Variants in NUMB observed in about 807,000 individuals in gnomAD.
The protein encoded by NUMB is protein numb homolog.
A neutral mutation model predicts 59.7 loss-of-function variants in NUMB; 29 were observed. The observed-to-expected ratio is 0.49, with a 90% CI of 0.36 to 0.66. NUMB has a LOEUF of 0.66. NUMB is among the 30% of genes least tolerant of loss of function. The pLI, the probability that NUMB is intolerant of heterozygous loss-of-function variation, is 0.00. For missense variants in NUMB, 723 were observed against 822.0 expected (o/e 0.88, Z 1.47); for synonymous variants, 288 against 288.2 (o/e 1.00, Z 0.01).
intron 6 of NUMB, among the ~76,000 whole-genome samples, chr14:73,307,142 T>C (rs1435662918): frequency 6.6e-6 from 1 of 152,086 alleles, no homozygotes; most frequent in Non-Finnish European, 1.5e-5. Flanking sequence ...ACCCTGTCTC[T>C]ACTGAAAATA....
At chr14:73,366,409 T>C (rs1355774220) in intron 3 of NUMB, among the ~76,000 whole-genome samples, 1 of 152,242 alleles carries the variant, frequency 6.6e-6, no homozygotes, top group Non-Finnish European at 1.5e-5. Context: ...TTAGATATTA[T>C]GATAATTTTC....
At chr14:73,365,902 G>A (rs1894323906) in intron 3 of NUMB, among the ~76,000 whole-genome samples, 1 of 152,204 alleles carries the variant, frequency 6.6e-6, no homozygotes, top group Admixed American at 6.5e-5. Context: ...AGTTGAATGT[G>A]CTGTGGTCCC....
rs1362969905 is a variant in NUMB at position 73,362,383 on chromosome 14, G to T, written c.-16+4514C>A. 1.0e-4 allele frequency among the ~76,000 whole-genome samples: 10 copies of T among 100,382 alleles called. No individual in the cohort carries two copies. The Admixed American group carries it at 1.0e-3, about 10-fold the overall frequency. The allele number at this position is 100,382 out of a possible 152,430, so 65.9% of individuals were successfully genotyped here. A position where few individuals can be genotyped will look rare whatever the true frequency, so the allele number is the denominator to read the frequency against. The stretch of plus-strand genomic sequence containing the variant: ...GATGTTAAAGTGTGAGAGAAAGAGG[G>T]AAAAGAGGAGGAAAAGGGGGAGGAG... On this transcript the variant is annotated intron_variant, in intron 3 of 12. Coordinates refer to ENST00000555238, the MANE Select transcript of NUMB (RefSeq NM_001005743.2).
At chr14:73,453,561 C>A (rs1231201464) in intron 1 of NUMB, among the ~76,000 whole-genome samples, 1 of 151,902 alleles carries the variant, frequency 6.6e-6, no homozygotes, top group African/African-American at 2.4e-5. Flanking sequence ...TGTATTTCTA[C>A]CTCTTATAAT....
At chr14:73,420,024 C>A (rs1897291720) in intron 1 of NUMB, among the ~76,000 whole-genome samples, 1 of 152,184 alleles carries the variant, frequency 6.6e-6, no homozygotes, top group Admixed American at 6.5e-5. Context: ...TGCCACCATG[C>A]CCAGCTAACT....
chr14:73,392,826 T>C (rs1050614001), intron 2 of NUMB, among the ~76,000 whole-genome samples: 1 of 151,084 alleles, frequency 6.6e-6, no homozygotes, highest in African/African-American at 2.5e-5. Context: ...CAACCAAAGC[T>C]AGGAAAACTG....
rs78291628 is a variant in NUMB, at chr14:73,424,706, C to T, written c.-232-14638G>A. Among the ~76,000 whole-genome samples the T allele has an allele frequency of 1.5e-4, 23 of 152,256 alleles. No homozygotes were observed. The East Asian group carries it at 4.2e-3, about 28-fold the overall frequency. ...TCTTCATGAGCACGTCTCTAAAGGG[C>T]AGAATGATATACTCAGGTTTTCCTA... On this transcript the variant is annotated intron_variant, in intron 1 of 12. Transcript: ENST00000555238.
chr14:73,365,675 T>C (rs184458531), intron 3 of NUMB, among the ~76,000 whole-genome samples: 1 of 152,310 alleles, frequency 6.6e-6, no homozygotes, highest in East Asian at 1.9e-4. Context: ...GCAGGTCCCA[T>C]TCTTTAAATA....
intron 1 of NUMB, among the ~76,000 whole-genome samples, chr14:73,433,717 G>A: frequency 6.6e-6 from 1 of 152,096 alleles, no homozygotes; most frequent in Admixed American, 6.6e-5. Flanking sequence ...AATCTCCTTT[G>A]ATAAATCACC....
At chr14:73,402,370 G>C (rs1399144673) in intron 2 of NUMB, among the ~76,000 whole-genome samples, 1 of 152,134 alleles carries the variant, frequency 6.6e-6, no homozygotes, top group African/African-American at 2.4e-5. Flanking sequence ...AATAGCAGGA[G>C]CAGATGCCTT....
chr14:73,340,386 T>G (rs542621220), intron 4 of NUMB, among the ~76,000 whole-genome samples: 17 of 152,322 alleles, frequency 1.1e-4, no homozygotes, highest in Admixed American at 5.9e-4. Flanking sequence ...CTGCGCCATC[T>G]GGCCCAGTGG....
intron 2 of NUMB, among the ~76,000 whole-genome samples, chr14:73,381,654 T>A (rs1461210546): frequency 6.6e-6 from 1 of 152,220 alleles, no homozygotes; most frequent in East Asian, 1.9e-4. Context: ...TACATCTCCT[T>A]ATCACAATTT....
At chr14:73,380,367 G>C (rs1029656305) in intron 2 of NUMB, among the ~76,000 whole-genome samples, 1 of 152,212 alleles carries the variant, frequency 6.6e-6, no homozygotes, top group African/African-American at 2.4e-5. Context: ...GCAGCAGACA[G>C]AAGGAGGAGC....
In NUMB at chr14:73,353,072, G is replaced by GTTTTT. The variant is rs71112737; in HGVS notation, c.126+2549_126+2553dup. On this transcript the variant is annotated intron_variant, in intron 4 of 12. Coordinates refer to ENST00000555238, the MANE Select transcript of NUMB (RefSeq NM_001005743.2). ...CTTAATGGATGCCACAGTTTTTCTT[G>GTTTTT]TTTTTTTTTTTTTTTTTTTTTTTTT... is the stretch of plus-strand genomic sequence containing the variant. Among the ~76,000 whole-genome samples the GTTTTT allele has an allele frequency of 1.2e-3, 73 of 58,506 alleles. 13 individuals are homozygous for GTTTTT. The highest frequency in any genetic ancestry group is 2.8e-3 in the African/African-American group (49 of 17,554). The allele number at this position is 58,506 out of a possible 152,430, so 38.4% of individuals were successfully genotyped here.
In NUMB at chr14:73,276,081, A is replaced by T. The variant is rs530435059; in HGVS notation, c.*497T>A. On this transcript the variant is annotated 3_prime_UTR_variant, in exon 13 of 13. Coordinates refer to ENST00000555238, the MANE Select transcript of NUMB (RefSeq NM_001005743.2). ...ATATAGCTCTGCTGGGCAGTTGCTG[A>T]TATGCCCTCCTGGGAATTCTGGCAG... is the stretch of plus-strand genomic sequence containing the variant. 6.5e-6 allele frequency: 1 copy of T among 153,930 alleles called. No individual in the cohort carries two copies. The highest frequency in any genetic ancestry group is 2.4e-5 in the African/African-American group (1 of 41,458). 9.5% of individuals were successfully genotyped at this position (153,930 alleles called of 1,614,324 possible). A position where few individuals can be genotyped will look rare whatever the true frequency, so the allele number is the denominator to read the frequency against.
At chr14:73,357,045 C>T (rs1893824681) in intron 3 of NUMB, 5 of 959,564 alleles carry the variant, frequency 5.2e-6, no homozygotes, top group South Asian at 4.8e-5. Flanking sequence ...CTTTCCATAT[C>T]GATAATCATT....
intron 1 of NUMB, among the ~76,000 whole-genome samples, chr14:73,430,950 A>G (rs937244248): frequency 6.6e-6 from 1 of 151,954 alleles, no homozygotes; most frequent in African/African-American, 2.4e-5. Context: ...ATCTCAAAAA[A>G]AAAAAAGTTT....
chr14:73,282,697 G>A (rs559675220), intron 10 of NUMB, among the ~76,000 whole-genome samples, 192 bp from the exon 11 acceptor site: 1 of 152,280 alleles, frequency 6.6e-6, no homozygotes, highest in South Asian at 2.1e-4. Flanking sequence ...TTTTCAGATG[G>A]GAAAGTATAA....
At chr14:73,306,691 T>C (rs759421657) in intron 6 of NUMB, among the ~76,000 whole-genome samples, 1 of 152,234 alleles carries the variant, frequency 6.6e-6, no homozygotes, top group African/African-American at 2.4e-5. Context: ...GAAGCCTTCA[T>C]TACAACCTTT....
Sources: gnomAD v4.1 joint callset for allele counts (sites outside exome capture counted in the v4.1 genomes callset) on GRCh38, gnomAD v4.1.1 for gene constraint, MANE v1.5 for transcripts, NCBI Gene and HGNC (gene_info 2026-07-23, HGNC 2026-07-21) for gene names.